The following NRXN3 variants were observed in gnomAD, a reference collection of about 807,000 sequenced individuals.
NRXN3 encodes neurexin III.
A neutral mutation model predicts 137.6 loss-of-function variants in NRXN3; 32 were observed. The ratio of observed to expected loss-of-function variants is 0.23; its 90% confidence interval spans 0.18 to 0.31. NRXN3 has a LOEUF of 0.31. Ranked by LOEUF, NRXN3 falls within the 10% of genes least tolerant of loss-of-function variation. NRXN3 has a pLI of 1.00. For missense variants in NRXN3, 1,574 were observed against 2,062.5 expected (o/e 0.76, Z 4.59); for synonymous variants, 798 against 784.5 (o/e 1.02, Z -0.29).
intron 20 of NRXN3, among the ~76,000 whole-genome samples, chr14:79,841,652 C>T (rs986096143): frequency 1.3e-5 from 2 of 152,054 alleles, no homozygotes; most frequent in Non-Finnish European, 2.9e-5. Context: ...TTTGCTTGGC[C>T]CTTTCCTTCC....
At chr14:79,305,869 A>G (rs2085960030) in intron 15 of NRXN3, among the ~76,000 whole-genome samples, 1 of 152,106 alleles carries the variant, frequency 6.6e-6, no homozygotes, top group East Asian at 1.9e-4. Context: ...TTCAGATAAG[A>G]TACAATCCTA....
chr14:79,611,492 T>G (rs1389435802), intron 16 of NRXN3: 1 of 152,286 alleles, frequency 6.6e-6, no homozygotes, highest in Admixed American at 6.5e-5. Flanking sequence ...CCCAGCTACC[T>G]GGGAGACTGA....
intron 15 of NRXN3, among the ~76,000 whole-genome samples, chr14:79,107,713 A>T (rs2052704728): frequency 6.6e-6 from 1 of 152,140 alleles, no homozygotes; most frequent in African/African-American, 2.4e-5. Flanking sequence ...GAGAGAATTA[A>T]TAGAAAGGGA....
At chr14:79,030,683 CT>C (rs2099606876) in intron 15 of NRXN3, among the ~76,000 whole-genome samples, 1 of 42,712 alleles carries the variant, frequency 2.3e-5, no homozygotes, top group East Asian at 5.8e-4. Context: ...GAGGTTCCTA[CT>C]TTTTATTTTT....
chr14:79,096,110 C>A (rs1428963703), intron 15 of NRXN3, among the ~76,000 whole-genome samples: 1 of 144,652 alleles, frequency 6.9e-6, no homozygotes, highest in Non-Finnish European at 1.5e-5. Context: ...TTATTCTATT[C>A]TTTTTTTTTT....
intron 15 of NRXN3, among the ~76,000 whole-genome samples, chr14:79,172,265 C>CA (rs2061859764): frequency 6.6e-6 from 1 of 151,938 alleles, no homozygotes; most frequent in Non-Finnish European, 1.5e-5. Context: ...ATTAGTCCCC[C>CA]AAATTTGAGC....
intron 4 of NRXN3, among the ~76,000 whole-genome samples, chr14:78,333,077 T>A (rs1209494842): frequency 6.6e-6 from 1 of 152,230 alleles, no homozygotes; most frequent in Non-Finnish European, 1.5e-5. Context: ...TTTCTTGATT[T>A]GGTCCCTGGA....
At chr14:79,565,314 C>CAT (rs2097539554) in intron 16 of NRXN3, among the ~76,000 whole-genome samples, 1 of 126,986 alleles carries the variant, frequency 7.9e-6, no homozygotes, top group Non-Finnish European at 1.6e-5. Flanking sequence ...CATATACACA[C>CAT]ACATGTGTGT....
intron 16 of NRXN3, among the ~76,000 whole-genome samples, chr14:79,631,511 G>A (rs1453603559): frequency 6.6e-6 from 1 of 152,226 alleles, no homozygotes; most frequent in Admixed American, 6.5e-5. Flanking sequence ...GCAAGGGTTC[G>A]GGCTCCGTGG....
At chr14:79,596,886 C>T (rs2097863623) in intron 16 of NRXN3, among the ~76,000 whole-genome samples, 1 of 152,082 alleles carries the variant, frequency 6.6e-6, no homozygotes, top group African/African-American at 2.4e-5. Flanking sequence ...GGTGCTTGTC[C>T]AAGATAGCCA....
chr14:79,797,950 A>G lies in NRXN3; in HGVS notation c.4015-7162A>G, dbSNP rs191861389. Among the ~76,000 whole-genome samples the G allele has an allele frequency of 1.1e-4, 17 of 152,068 alleles. No homozygotes were observed. The East Asian group carries it at 3.1e-3, about 28-fold the overall frequency. On this transcript the variant is annotated intron_variant, in intron 19 of 20. Coordinates refer to ENST00000335750, the MANE Select transcript of NRXN3 (RefSeq NM_001330195.2). Reference sequence around the variant, plus strand: ...TCTACAAAAAAATAAAAATAAATAAATTATTCAGGTGTGGTGGCGTGTACC... The same window carrying G: ...TCTACAAAAAAATAAAAATAAATAAGTTATTCAGGTGTGGTGGCGTGTACC...
At chr14:78,947,411 A>G (rs971365710) in intron 10 of NRXN3, among the ~76,000 whole-genome samples, 4 of 152,184 alleles carry the variant, frequency 2.6e-5, no homozygotes, top group African/African-American at 4.8e-5. Flanking sequence ...CTAAAATCCA[A>G]TGACTGTATC....
chr14:78,682,131 G>T (rs777208464), intron 6 of NRXN3, among the ~76,000 whole-genome samples: 5 of 152,100 alleles, frequency 3.3e-5, no homozygotes, highest in Non-Finnish European at 7.4e-5. Context: ...CTCCCAAAGT[G>T]CTGGGATTAC....
intron 15 of NRXN3, among the ~76,000 whole-genome samples, chr14:79,385,214 CCCA>C (rs2094577522): frequency 4.0e-5 from 5 of 124,442 alleles, no homozygotes; most frequent in Admixed American, 8.8e-5. Context: ...TCCCCCCGCC[CCCA>C]CCCCACCACA....
chr14:78,390,370 A>G lies in NRXN3; in HGVS notation c.757+92510A>G, dbSNP rs570434547. ...AGTTGTGTTAAAGACTGTATAGACC[A>G]CAAAGCCTAATCTGCTTTGCTGCCT... On this transcript the variant is annotated intron_variant, in intron 4 of 20. Transcript: ENST00000335750. 3.3e-5 allele frequency among the ~76,000 whole-genome samples: 5 copies of G among 152,310 alleles called. 1 individual carries two copies. In the South Asian group the frequency reaches 1.0e-3, roughly 32 times the overall value.
intron 6 of NRXN3, among the ~76,000 whole-genome samples, chr14:78,672,319 A>T (rs1049926084): frequency 7.2e-5 from 11 of 152,212 alleles, no homozygotes; most frequent in African/African-American, 2.7e-4. Flanking sequence ...GGACAAGCAA[A>T]GGCATCAATA....
chr14:79,584,169 C>A (rs2097745501), intron 16 of NRXN3, among the ~76,000 whole-genome samples: 1 of 152,096 alleles, frequency 6.6e-6, no homozygotes, highest in Non-Finnish European at 1.5e-5. Context: ...ATGTGGTATG[C>A]AGAGCTTAAC....
chr14:79,210,231 G>A (rs941987504), intron 15 of NRXN3, among the ~76,000 whole-genome samples: 2 of 152,120 alleles, frequency 1.3e-5, no homozygotes, highest in African/African-American at 4.8e-5. Flanking sequence ...ATTAATGGGT[G>A]TTCTGAGAGA....
At chr14:78,788,737 C>T (rs2098796641) in intron 8 of NRXN3, among the ~76,000 whole-genome samples, 1 of 152,154 alleles carries the variant, frequency 6.6e-6, no homozygotes, top group Non-Finnish European at 1.5e-5. Flanking sequence ...TTAAATCTTA[C>T]CTTTATTAAA....
Sources: allele counts gnomAD v4.1 joint callset (sites outside exome capture counted in the v4.1 genomes callset), GRCh38; gene constraint gnomAD v4.1.1; transcripts MANE v1.5; gene names NCBI Gene and HGNC (gene_info 2026-07-23, HGNC 2026-07-21).